CCDC7: variants seen among roughly 807,000 people sequenced by gnomAD.
CCDC7 encodes coiled-coil domain containing 7, also known as coiled-coil domain-containing protein 7.
CCDC7 carries 183 observed loss-of-function variants against 196.9 expected under a neutral mutation model. The observed-to-expected ratio is 0.93, with a 90% CI of 0.82 to 1.05. The LOEUF is 1.05. Among genes scored for constraint, CCDC7 ranks in the 50% least tolerant of loss-of-function variants. CCDC7 has a pLI of 0.00. For missense variants in CCDC7, 1,540 were observed against 1,482.2 expected, an observed-to-expected ratio of 1.04 and a Z score of -0.64; for synonymous variants, 525 against 484.6, an observed-to-expected ratio of 1.08 and a Z score of -1.10.
At chr10:32,718,784 G>A (rs915949156) in intron 25 of CCDC7, among the ~76,000 whole-genome samples, 1 of 152,132 alleles carries the variant, frequency 6.6e-6, no homozygotes, top group South Asian at 2.1e-4. Context: ...TTGCTACAAA[G>A]AAAATAAAAT....
intron 6 of CCDC7, 138 bp downstream of exon 7, chr10:32,471,368 T>G (rs1425131059): frequency 2.9e-6 from 3 of 1,033,992 alleles, no homozygotes; most frequent in Non-Finnish European, 2.7e-6. Flanking sequence ...TCAGCTTGTT[T>G]CTATTTGCAA....
intron 20 of CCDC7, among the ~76,000 whole-genome samples, chr10:32,659,250 G>T (rs2070700566): frequency 6.6e-6 from 1 of 152,070 alleles, no homozygotes; most frequent in Non-Finnish European, 1.5e-5. Context: ...AGTTTATCTT[G>T]AGATATTTTT....
At chr10:32,827,846 T>C (rs1263508007) in intron 32 of CCDC7, among the ~76,000 whole-genome samples, 2 of 152,264 alleles carry the variant, frequency 1.3e-5, no homozygotes, top group East Asian at 3.9e-4. Flanking sequence ...AAGCCATATT[T>C]TTTGTGGGAG....
At chr10:32,538,490 G>A (rs1163112143) in intron 11 of CCDC7, among the ~76,000 whole-genome samples, 1 of 152,112 alleles carries the variant, frequency 6.6e-6, no homozygotes, top group African/African-American at 2.4e-5. Context: ...TCCCTTGCCC[G>A]ATTGCTCTTG....
intron 11 of CCDC7, among the ~76,000 whole-genome samples, chr10:32,525,285 T>G (rs1037899677): frequency 6.6e-6 from 1 of 152,206 alleles, no homozygotes; most frequent in Non-Finnish European, 1.5e-5. Context: ...ATAGCCTGTC[T>G]TTAAGCTCAA....
In CCDC7 at chr10:32,639,929, T is replaced by C. The variant is rs558836436; in HGVS notation, c.2014+4771T>C. On this transcript the variant is annotated intron_variant, in intron 20 of 41. Coordinates refer to ENST00000639629, the Ensembl canonical transcript of CCDC7. ...ACTGCACCCGACCAATTTCTGTTGT[T>C]TTACATTTGCTAAGGAGTGCTTTAC... 1.1e-4 allele frequency among the ~76,000 whole-genome samples: 17 copies of C among 152,308 alleles called. No individual in the cohort carries two copies. The South Asian group carries it at 1.4e-3, about 13-fold the overall frequency.
intron 8 of CCDC7, among the ~76,000 whole-genome samples, chr10:32,483,371 G>A (rs1222570183): frequency 6.6e-6 from 1 of 152,222 alleles, no homozygotes; most frequent in East Asian, 1.9e-4. Context: ...ATTTGTTTGA[G>A]TTCATTGTAG....
intron 13 of CCDC7, among the ~76,000 whole-genome samples, chr10:32,562,664 C>G (rs2055940367): frequency 6.6e-6 from 1 of 151,976 alleles, no homozygotes; most frequent in Non-Finnish European, 1.5e-5. Context: ...ATAATAAGAG[C>G]TATCTATGAC....
intron 41 of CCDC7, among the ~76,000 whole-genome samples, chr10:32,856,249 A>T (rs1046531346): frequency 6.6e-6 from 1 of 152,224 alleles, no homozygotes; most frequent in Non-Finnish European, 1.5e-5. Flanking sequence ...TCAGTCATCA[A>T]TGGAAAATAT....
chr10:32,609,074 AT>A (rs1003639566), intron 18 of CCDC7, among the ~76,000 whole-genome samples: 3 of 152,184 alleles, frequency 2.0e-5, no homozygotes, highest in Non-Finnish European at 2.9e-5. Flanking sequence ...TGGTGAGAAG[AT>A]GCATATTCTG....
At chr10:32,602,704 C>T (rs923961359) in intron 18 of CCDC7, among the ~76,000 whole-genome samples, 1 of 152,022 alleles carries the variant, frequency 6.6e-6, no homozygotes, top group Non-Finnish European at 1.5e-5. Context: ...CCTCAGATTC[C>T]TTATCTAAAA....
intron 28 of CCDC7, among the ~76,000 whole-genome samples, chr10:32,744,329 T>C (rs760380185): frequency 6.9e-6 from 1 of 145,182 alleles, no homozygotes; most frequent in Non-Finnish European, 1.5e-5. Context: ...TAGCAGAAAA[T>C]ACTGTTAGAA....
At chr10:32,517,901 T>C in intron 9 of CCDC7, 44 bp from the exon 11 acceptor site, 2 of 1,563,058 alleles carry the variant, frequency 1.3e-6, no homozygotes, top group Non-Finnish European at 1.7e-6. Flanking sequence ...AATTAAAATA[T>C]AAATGTACAA....
intron 41 of CCDC7, among the ~76,000 whole-genome samples, chr10:32,859,641 A>C (rs368304649): frequency 1.3e-5 from 2 of 152,184 alleles, no homozygotes; most frequent in East Asian, 3.8e-4. Context: ...TTTCTTGAAA[A>C]GATCAACAAA....
chr10:32,451,894 C>T (rs758570771), exon 1 of CCDC7: 28 of 1,610,636 alleles, frequency 1.7e-5, no homozygotes, highest in Middle Eastern at 1.6e-4. Context: ...ATGAAATGAT[C>T]GGAAAAATTA....
intron 28 of CCDC7, among the ~76,000 whole-genome samples, chr10:32,770,538 G>A (rs915904196): frequency 6.6e-6 from 1 of 152,028 alleles, no homozygotes; most frequent in Admixed American, 6.6e-5. Context: ...CCTATTATAT[G>A]GTCTGTCTTG....
intron 25 of CCDC7, among the ~76,000 whole-genome samples, chr10:32,713,700 C>A (rs1480190083): frequency 6.6e-6 from 1 of 152,230 alleles, no homozygotes; most frequent in Non-Finnish European, 1.5e-5. Flanking sequence ...TCCTTTGAGA[C>A]CCTGTTGTTT....
At chr10:32,869,703 A>C (rs1417304962) in intron 41 of CCDC7, among the ~76,000 whole-genome samples, 2 of 152,286 alleles carry the variant, frequency 1.3e-5, no homozygotes, top group Non-Finnish European at 2.9e-5. Flanking sequence ...TTTAGGTCTA[A>C]CATTTAGGTC....
chr10:32,653,522 C>A (rs1288258618), intron 20 of CCDC7, among the ~76,000 whole-genome samples: 2 of 152,200 alleles, frequency 1.3e-5, no homozygotes, highest in Admixed American at 1.3e-4. Flanking sequence ...CATGACCTCT[C>A]ACCTGATTCC....
Sources: gnomAD v4.1 joint callset for allele counts (sites outside exome capture counted in the v4.1 genomes callset) on GRCh38, gnomAD v4.1.1 for gene constraint, MANE v1.5 for transcripts, NCBI Gene and HGNC (gene_info 2026-07-23, HGNC 2026-07-21) for gene names.